The following SPICE1 variants were observed in gnomAD, a reference collection of about 807,000 sequenced individuals.
SPICE1 encodes the protein spindle and centriole-associated protein 1.
SPICE1 carries 75 observed loss-of-function variants against 102.7 expected under a neutral mutation model. That is an observed-to-expected ratio of 0.73 (90% CI 0.61 to 0.88). The LOEUF is 0.88. SPICE1 is among the 40% of genes least tolerant of loss of function. SPICE1 has a pLI of 0.00. For missense variants in SPICE1, 979 were observed against 1,020.1 expected, an observed-to-expected ratio of 0.96 and a Z score of 0.55; for synonymous variants, 308 against 350.3, an observed-to-expected ratio of 0.88 and a Z score of 1.35.
chr3:113,495,512 G>A (rs1936863324), intron 4 of SPICE1, among the ~76,000 whole-genome samples: 1 of 152,166 alleles, frequency 6.6e-6, no homozygotes, highest in Non-Finnish European at 1.5e-5. Flanking sequence ...ATGGTATCAG[G>A]TCAAGAGCAC....
Position 113,453,503 on chromosome 3 carries a change from T to C in SPICE1, c.2105A>G (p.Glu702Gly). The change falls in exon 14 of 18, where the codon GAG becomes GGG. Residue 702 changes from glutamate (E) to glycine (G), a missense_variant. Coordinates refer to ENST00000295872, the MANE Select transcript of SPICE1 (RefSeq NM_144718.4). ...ACTTGCACTTTCTTGTTTGTTCAAC[T>C]CCCGGAGTCCATCCCCTTGCTCTCC... ...PRGEQGDGLRELNKQESASDM... is the reference protein window; with the variant it reads ...PRGEQGDGLRGLNKQESASDM... 1 of 1,612,186 alleles carries C rather than the reference T, an allele frequency of 6.2e-7. No individual in the cohort carries two copies. Among genetic ancestry groups the C allele is most frequent in the Non-Finnish European group, 8.5e-7 (1 of 1,178,504 alleles).
Position 113,457,356 on chromosome 3 carries a change from C to T in SPICE1, c.1437G>A (p.Glu479=), listed in dbSNP as rs2107450985. Residue 479 remains glutamate (E), a splice_region_variant and synonymous_variant, in exon 13 of 18, where the codon GAG becomes GAA. Coordinates refer to ENST00000295872, the MANE Select transcript of SPICE1 (RefSeq NM_144718.4). The part of the protein sequence containing the change: ...ATGRRVMDSP[E]RPVVNANVSV... ...AGACATTGGCATTTACAACTGGACG[C>T]TCTGAAGAAGATGAGAGGATATTAG... 2 of 1,614,046 alleles carry T rather than the reference C, an allele frequency of 1.2e-6. No individual in the cohort carries two copies. Among genetic ancestry groups the T allele is most frequent in the East Asian group, 4.5e-5 (2 of 44,878 alleles).
rs1478411394 is a variant in SPICE1 at position 113,489,017 on chromosome 3, T to G, written c.539A>C (p.Gln180Pro). 3 of 1,613,786 alleles carry G rather than the reference T, an allele frequency of 1.9e-6. No individual in the cohort carries two copies. Among genetic ancestry groups the G allele is most frequent in the Non-Finnish European group, 2.5e-6 (3 of 1,179,784 alleles). ...DGEEEGTVNS[Q>P]SGESENENEL... ...ATTCTCATTCTCACTTTCTCCTGACTGGCTATTAACAGTTCCTTCTTCTTC... is the reference window on the plus strand; with the variant it reads ...ATTCTCATTCTCACTTTCTCCTGACGGGCTATTAACAGTTCCTTCTTCTTC... Residue 180 changes from glutamine (Q) to proline (P), a missense_variant, in exon 7 of 18, where the codon CAG (glutamine) becomes CCG (proline). By Grantham distance (76) the Gln-to-Pro change is moderately conservative. Coordinates refer to ENST00000295872, the MANE Select transcript of SPICE1 (RefSeq NM_144718.4).
At position 113,464,144 on chromosome 3, in the gene SPICE1, C is replaced by T. The variant is rs551844793; in HGVS notation, c.1287+1509G>A. 1.5e-4 allele frequency among the ~76,000 whole-genome samples: 23 copies of T among 151,708 alleles called. No homozygotes were observed. The South Asian group carries it at 4.8e-3, about 32-fold the overall frequency. The stretch of plus-strand genomic sequence containing the variant: ...TTCTGGATTTAGATAACAGTGCTGG[C>T]ATACAACTTCAAACATACTAAAAAC... On this transcript the variant is annotated intron_variant, in intron 11 of 17. Transcript: ENST00000295872.
intron 12 of SPICE1, chr3:113,460,044 T>A (rs1935889738): frequency 1.0e-6 from 1 of 985,302 alleles, no homozygotes; most frequent in Non-Finnish European, 1.2e-6. Context: ...TTACAGATAC[T>A]CATCAAAGTC....
At chr3:113,484,275 TTTTC>T (rs1936591100) in intron 7 of SPICE1, among the ~76,000 whole-genome samples, 2 of 152,172 alleles carry the variant, frequency 1.3e-5, no homozygotes, top group Admixed American at 1.3e-4. Flanking sequence ...TTCTCTCTTT[TTTTC>T]TTTATTAGTC....
At chr3:113,486,862 G>GATATATATATAT (rs141247316) in intron 7 of SPICE1, among the ~76,000 whole-genome samples, 17 of 144,010 alleles carry the variant, frequency 1.2e-4, no homozygotes, top group East Asian at 1.0e-3. Context: ...AAAATAAGGA[G>GATATATATATAT]ATATATATAT....
chr3:113,486,860 GAGATAT>G (rs1559970568), intron 7 of SPICE1, among the ~76,000 whole-genome samples: 1 of 118,820 alleles, frequency 8.4e-6, no homozygotes, highest in African/African-American at 4.2e-5. Context: ...AGAAAATAAG[GAGATAT>G]ATATATATAT....
At chr3:113,514,713 G>C in intron 1 of SPICE1, 184 bp downstream of exon 1, 1 of 1,224,126 alleles carries the variant, frequency 8.2e-7, no homozygotes, top group Non-Finnish European at 1.1e-6. Flanking sequence ...TGACGCTCCC[G>C]GTCCCAAAGC....
At chr3:113,460,792 T>C in intron 11 of SPICE1, 28 bp from the exon 12 acceptor site, 1 of 1,554,374 alleles carries the variant, frequency 6.4e-7, no homozygotes, top group Non-Finnish European at 8.7e-7. Context: ...TGAAATAATA[T>C]TATTAGCATA....
chr3:113,499,439 C>G lies in SPICE1; in HGVS notation c.291G>C (p.Glu97Asp), dbSNP rs759681412. ...LEKRRLSIMK[E>D]ILSDQYQMQD... is the part of the protein sequence containing the mutation. ...TAACTCTAATGCAGTTTAGCATTAC[C>G]TCCTTCATGATAGACAATCTTCTTT... is the stretch of plus-strand genomic sequence containing the variant. The change falls in exon 4 of 18, where the codon GAG becomes GAC. Residue 97 changes from glutamate to aspartate, a missense_variant and splice_region_variant. By Grantham distance (45) the Glu-to-Asp change is conservative. Transcript: ENST00000295872. The G allele has an allele frequency of 2.5e-6, 4 of 1,611,124 alleles. No homozygotes were observed. The highest frequency in any genetic ancestry group is 3.4e-6 in the Non-Finnish European group (4 of 1,179,190).
chr3:113,487,610 T>C (rs143914069), intron 7 of SPICE1, among the ~76,000 whole-genome samples: 1 of 152,236 alleles, frequency 6.6e-6, no homozygotes, highest in East Asian at 1.9e-4. Flanking sequence ...ATAAGAGCTA[T>C]GTTGTGCCAG....
chr3:113,448,072 T>A lies in SPICE1; in HGVS notation c.2392A>T (p.Thr798Ser), dbSNP rs1935559049. Residue 798 changes from threonine (T) to serine (S), a missense_variant, in exon 16 of 18, where the codon ACT becomes TCT. Thr to Ser is a moderately conservative substitution (Grantham distance 58). Transcript: ENST00000295872. ...AEAPESSKCS[T>S]VSPVSGINTR... ...TTTATCCCGCTGACGGGAGAGACAG[T>A]ACTACATTTTGAGCTTTCTGGGGCT... 1 of 1,612,216 alleles carries A rather than the reference T, an allele frequency of 6.2e-7. No individual in the cohort carries two copies.
Position 113,457,178 on chromosome 3 carries a change from G to A in SPICE1, c.1615C>T (p.Pro539Ser), listed in dbSNP as rs374113373. Residue 539 changes from proline to serine, a missense_variant, in exon 13 of 18, where the codon CCC becomes TCC. Physicochemically the swap from Pro to Ser is moderately conservative, Grantham distance 74. Coordinates refer to ENST00000295872, the MANE Select transcript of SPICE1 (RefSeq NM_144718.4). Reference protein sequence around the residue: ...IFEPAVLLTPPRQKSNLKFSP... With the variant: ...IFEPAVLLTPSRQKSNLKFSP... ...AATTTTAAGTTGCTCTTCTGCCTGGGTGGTGTTAACAACACAGCTGGCTCA... is the reference window on the plus strand; with the variant it reads ...AATTTTAAGTTGCTCTTCTGCCTGGATGGTGTTAACAACACAGCTGGCTCA... The A allele has an allele frequency of 6.2e-7, 1 of 1,614,044 alleles. No individual in the cohort carries two copies. Among genetic ancestry groups the A allele is most frequent in the Non-Finnish European group, 8.5e-7 (1 of 1,180,036 alleles).
intron 2 of SPICE1, among the ~76,000 whole-genome samples, chr3:113,504,571 C>CAAAAAAAAA (rs71633321): frequency 4.1e-4 from 28 of 67,838 alleles, no homozygotes; most frequent in African/African-American, 1.5e-3. Flanking sequence ...GACCTTGTCT[C>CAAAAAAAAA]AAAAAAAAAA....
intron 8 of SPICE1, 77 bp from the exon 9 acceptor site, chr3:113,468,976 C>T: frequency 6.4e-7 from 1 of 1,565,604 alleles, no homozygotes; most frequent in South Asian, 1.2e-5. Context: ...ACAGATCCAT[C>T]AGTATTTTAG....
At chr3:113,453,330 G>A in intron 14 of SPICE1, 136 bp downstream of exon 14, 2 of 974,782 alleles carry the variant, frequency 2.1e-6, no homozygotes, top group East Asian at 4.8e-5. Flanking sequence ...ATTGTATTGA[G>A]GACATGCCAA....
intron 12 of SPICE1, among the ~76,000 whole-genome samples, chr3:113,458,413 C>T (rs1054380587): frequency 3.9e-5 from 6 of 152,332 alleles, no homozygotes; most frequent in African/African-American, 7.2e-5. Context: ...GGGGTTTCGC[C>T]GTGTTGGCCG....
chr3:113,486,210 C>CATATATATATATATATATATATATATAT (rs60309507), intron 7 of SPICE1, among the ~76,000 whole-genome samples: 10 of 141,044 alleles, frequency 7.1e-5, no homozygotes, highest in East Asian at 2.1e-4. Context: ...TGACCATTCT[C>CATATATATATATATATATATATATATAT]ATATATATAT....
Sources: gnomAD v4.1 joint callset for allele counts (sites outside exome capture counted in the v4.1 genomes callset) on GRCh38, gnomAD v4.1.1 for gene constraint, MANE v1.5 for transcripts, NCBI Gene and HGNC (gene_info 2026-07-23, HGNC 2026-07-21) for gene names.